The following FCRL2 variants were observed in gnomAD, a reference collection of about 807,000 sequenced individuals.
The protein encoded by FCRL2 is Fc receptor-like protein 2.
In FCRL2, 48 loss-of-function variants were observed where a neutral mutation model predicts 59.8. The observed-to-expected ratio is 0.80, with a 90% CI of 0.64 to 1.02. The LOEUF is 1.02. Ranked by LOEUF, FCRL2 falls within the 50% of genes least tolerant of loss-of-function variation. The pLI is 0.00. For synonymous variants in FCRL2, 251 were observed against 229.5 expected (o/e 1.09, Z -0.85); for missense variants, 658 against 597.3 (o/e 1.10, Z -1.06).
chr1:157,751,908 G>A (rs11264807), intron 7 of FCRL2, among the ~76,000 whole-genome samples: 32 of 151,088 alleles, frequency 2.1e-4, no homozygotes, highest in Non-Finnish European at 4.1e-4. Flanking sequence ...CAAACCTGGA[G>A]AGTCAGCTTT....
chr1:157,750,120 G>A (rs139857866), intron 7 of FCRL2, among the ~76,000 whole-genome samples: 55 of 152,286 alleles, frequency 3.6e-4, no homozygotes, highest in African/African-American at 1.0e-3. Flanking sequence ...TTAGTCTTTA[G>A]GAATGATCTT....
intron 7 of FCRL2, among the ~76,000 whole-genome samples, chr1:157,766,110 G>A (rs924990380): frequency 2.6e-5 from 4 of 152,186 alleles, no homozygotes; most frequent in Middle Eastern, 3.4e-3. Flanking sequence ...AGGAGTCATC[G>A]CTCTTTTTAT....
chr1:157,746,229 A>T lies in FCRL2; in HGVS notation c.*507T>A, dbSNP rs1320957015. 1 of 154,724 alleles carries T rather than the reference A, an allele frequency of 6.5e-6. No individual in the cohort carries two copies. Among genetic ancestry groups the T allele is most frequent in the Non-Finnish European group, 1.4e-5 (1 of 69,730 alleles). The allele number at this position is 154,724 out of a possible 1,614,324, so 9.6% of individuals were successfully genotyped here. ...ATCAAGGAGGAAGGGCTCCTGCCTA[A>T]CTCATTCTATGAAGCCAGCATCAGC... On this transcript the variant is annotated 3_prime_UTR_variant, in exon 12 of 12. Coordinates refer to ENST00000361516, the MANE Select transcript of FCRL2 (RefSeq NM_030764.4).
chr1:157,770,402 G>GC lies in FCRL2; in HGVS notation c.310+6_310+7insG, dbSNP rs1649908386. The GC allele has an allele frequency of 6.3e-7, 1 of 1,578,976 alleles. No homozygotes were observed. The highest frequency in any genetic ancestry group is 8.6e-7 in the Non-Finnish European group (1 of 1,156,572). On this transcript the variant is annotated splice_region_variant and intron_variant, in intron 3 of 11. Transcript: ENST00000361516. ...CCCAGCCCATCCCACAGAAGTCAGG[G>GC]TTTTACCTTGGACTTTTATCTTTAC...
chr1:157,767,749 T>C (rs1370661191), intron 5 of FCRL2: 3 of 1,467,536 alleles, frequency 2.0e-6, no homozygotes, highest in African/African-American at 2.8e-5. Context: ...ATCTGATTGT[T>C]TTCCTGTGCC....
At chr1:157,766,280 G>A (rs1649488433) in intron 7 of FCRL2, among the ~76,000 whole-genome samples, 2 of 152,148 alleles carry the variant, frequency 1.3e-5, no homozygotes, top group South Asian at 4.1e-4. Flanking sequence ...GACCATCCTG[G>A]CTAACATGGT....
Position 157,768,644 on chromosome 1 carries a change from T to C in FCRL2, c.653A>G (p.Glu218Gly). The C allele has an allele frequency of 6.2e-7, 1 of 1,614,168 alleles. No individual in the cohort carries two copies. The highest frequency in any genetic ancestry group is 8.5e-7 in the Non-Finnish European group (1 of 1,180,000). ...GCAGAGCAGGATCAGTTTTTGTCCT[T>C]CAGTCACCTGTCCCCCGGGGGCCCG... ...EIRAPGGQVT[E>G]GQKLILLCSV... is the part of the protein sequence containing the mutation. Residue 218 changes from glutamate to glycine, a missense_variant, in exon 5 of 12, where the codon GAA becomes GGA. Transcript: ENST00000361516.
intron 7 of FCRL2, among the ~76,000 whole-genome samples, chr1:157,758,161 A>G (rs16839092): frequency 0.018 from 2,699 of 152,290 alleles, 70 homozygotes; most frequent in African/African-American, 0.061. Context: ...TCGTTTTGTA[A>G]GTGAGGAAAC....
intron 7 of FCRL2, among the ~76,000 whole-genome samples, chr1:157,765,440 T>C (rs1482362857): frequency 1.3e-5 from 2 of 152,226 alleles, no homozygotes; most frequent in Non-Finnish European, 2.9e-5. Flanking sequence ...TAACCCATTC[T>C]ACAAGGATAG....
intron 10 of FCRL2, among the ~76,000 whole-genome samples, chr1:157,748,308 G>A (rs1235050435): frequency 6.6e-6 from 1 of 152,078 alleles, no homozygotes; most frequent in Non-Finnish European, 1.5e-5. Context: ...CTACTCAGGA[G>A]TCTGAGAGAG....
chr1:157,771,274 C>T (rs978011925), intron 2 of FCRL2, among the ~76,000 whole-genome samples: 9 of 152,142 alleles, frequency 5.9e-5, no homozygotes, highest in Admixed American at 4.6e-4. Flanking sequence ...CCTTCTCCAT[C>T]GGTGACACCA....
chr1:157,760,708 AAAGAAAGAAAG>A (rs1648990906), intron 7 of FCRL2, among the ~76,000 whole-genome samples: 1 of 118,262 alleles, frequency 8.5e-6, no homozygotes, highest in Non-Finnish European at 1.8e-5. Flanking sequence ...GGAAAGAAAG[AAAGAAAGAAAG>A]AAAGAAAGAA....
rs994326299 is a variant in FCRL2, at chr1:157,746,755, G to C, written c.1508C>G (p.Ser503Cys). Residue 503 changes from serine to cysteine, a missense_variant, in exon 12 of 12, where the codon TCT (serine) becomes TGT (cysteine). Ser to Cys is a moderately radical substitution (Grantham distance 112). Transcript: ENST00000361516. ...CAAGTGTTATGATTTCTTCACAGAA[G>C]AGTAGATGACTTGGGAGTCCTGGGA... ...LENKDSQVIY[S>C]SVKKS The C allele has an allele frequency of 6.2e-7, 1 of 1,613,964 alleles. No homozygotes were observed. Among genetic ancestry groups the C allele is most frequent in the Admixed American group, 1.7e-5 (1 of 60,022 alleles).
chr1:157,752,803 A>G (rs1430215878), intron 7 of FCRL2, among the ~76,000 whole-genome samples: 1 of 152,220 alleles, frequency 6.6e-6, no homozygotes, highest in African/African-American at 2.4e-5. Context: ...TCTTGGATAG[A>G]AACATTTCTC....
In FCRL2 at chr1:157,776,311, C is replaced by T. The variant is rs141358431; in HGVS notation, c.32-516G>A. ...AAAGGGATCTTATTTACTCTCTCAC[C>T]CAGGCTGGAGTACAATGGTGCGATC... On this transcript the variant is annotated intron_variant, in intron 1 of 11. Transcript: ENST00000361516. 5.6e-3 allele frequency among the ~76,000 whole-genome samples: 854 copies of T among 152,254 alleles called. 10 individuals carry two copies. Among genetic ancestry groups the T allele is most frequent in the African/African-American group, 0.019 (809 of 41,512 alleles).
intron 7 of FCRL2, among the ~76,000 whole-genome samples, chr1:157,760,706 A>G (rs865809853): frequency 2.6e-3 from 274 of 105,568 alleles, no homozygotes; most frequent in African/African-American, 8.1e-3. Flanking sequence ...AAGGAAAGAA[A>G]GAAAGAAAGA....
At chr1:157,764,105 G>A (rs1198451631) in intron 7 of FCRL2, among the ~76,000 whole-genome samples, 1 of 151,674 alleles carries the variant, frequency 6.6e-6, no homozygotes, top group Non-Finnish European at 1.5e-5. Context: ...TTGGGAGGCT[G>A]AGGCAGGAGA....
intron 7 of FCRL2, among the ~76,000 whole-genome samples, chr1:157,754,288 C>T (rs1252188253): frequency 2.6e-5 from 4 of 152,142 alleles, no homozygotes; most frequent in Non-Finnish European, 2.9e-5. Context: ...AAGATAGAAA[C>T]AAGAATGACC....
At chr1:157,760,904 T>C (rs1267493858) in intron 7 of FCRL2, among the ~76,000 whole-genome samples, 2 of 152,064 alleles carry the variant, frequency 1.3e-5, no homozygotes, top group African/African-American at 4.8e-5. Flanking sequence ...AGACAACCAA[T>C]TTACCTATGT....
Sources: gnomAD v4.1 joint callset for allele counts (sites outside exome capture counted in the v4.1 genomes callset) on GRCh38, gnomAD v4.1.1 for gene constraint, MANE v1.5 for transcripts, NCBI Gene and HGNC (gene_info 2026-07-23, HGNC 2026-07-21) for gene names.